The following ATG10 variants were observed in gnomAD, a reference collection of about 807,000 sequenced individuals.
ATG10 encodes the protein autophagy related 10.
In ATG10, 30 loss-of-function variants were observed where a neutral mutation model predicts 32.1. That is an observed-to-expected ratio of 0.94 (90% CI 0.70 to 1.27). The LOEUF is 1.27. ATG10 is among the 50% of genes most tolerant of loss of function. The pLI is 0.00. For missense variants in ATG10, 233 were observed against 262.3 expected (o/e 0.89, Z 0.77); for synonymous variants, 87 against 91.5 (o/e 0.95, Z 0.28).
chr5:82,120,914 C>G (rs934694291), intron 3 of ATG10, among the ~76,000 whole-genome samples: 27 of 152,150 alleles, frequency 1.8e-4, no homozygotes, highest in Admixed American at 1.7e-3. Context: ...ATATTTTTGA[C>G]AGGAAGATAC....
chr5:82,166,878 T>C (rs943804788), intron 4 of ATG10, among the ~76,000 whole-genome samples: 4 of 152,220 alleles, frequency 2.6e-5, no homozygotes, highest in African/African-American at 9.6e-5. Flanking sequence ...TTGACAGATA[T>C]TTATAATTTC....
chr5:82,113,615 G>A (rs1043737395), intron 3 of ATG10, among the ~76,000 whole-genome samples: 1 of 151,914 alleles, frequency 6.6e-6, no homozygotes, highest in Non-Finnish European at 1.5e-5. Context: ...GATGCCAATA[G>A]CCCTACTCCC....
chr5:82,177,858 G>A (rs1038459469), intron 4 of ATG10, among the ~76,000 whole-genome samples: 4 of 151,988 alleles, frequency 2.6e-5, no homozygotes, highest in African/African-American at 9.7e-5. Flanking sequence ...TTCTCCACCT[G>A]CCATAGACAC....
chr5:82,012,177 C>T (rs972531174), intron 2 of ATG10, among the ~76,000 whole-genome samples: 4 of 152,156 alleles, frequency 2.6e-5, no homozygotes, highest in African/African-American at 7.2e-5. Flanking sequence ...GCCACAGACT[C>T]CCACTGTTCT....
chr5:82,091,493 A>G (rs1352073103), intron 3 of ATG10, among the ~76,000 whole-genome samples: 1 of 152,168 alleles, frequency 6.6e-6, no homozygotes, highest in Non-Finnish European at 1.5e-5. Flanking sequence ...ATTTGAGTAT[A>G]TACTTTGCTT....
intron 3 of ATG10, among the ~76,000 whole-genome samples, chr5:82,119,261 G>T (rs994113910): frequency 8.6e-5 from 13 of 151,992 alleles, no homozygotes; most frequent in African/African-American, 3.1e-4. Context: ...AGATTTTTGT[G>T]GTCCATTGCC....
intron 5 of ATG10, among the ~76,000 whole-genome samples, chr5:82,227,368 A>T (rs1248123179): frequency 4.0e-5 from 6 of 151,334 alleles, no homozygotes; most frequent in Non-Finnish European, 7.4e-5. Context: ...TATATATTTT[A>T]AAATTTTATT....
At chr5:82,145,096 A>C (rs964088504) in intron 3 of ATG10, among the ~76,000 whole-genome samples, 2 of 151,540 alleles carry the variant, frequency 1.3e-5, no homozygotes, top group African/African-American at 4.9e-5. Flanking sequence ...TATTATATCT[A>C]CTCCAACATT....
At chr5:82,142,254 A>T (rs1006296181) in intron 3 of ATG10, among the ~76,000 whole-genome samples, 1 of 152,240 alleles carries the variant, frequency 6.6e-6, no homozygotes, top group African/African-American at 2.4e-5. Flanking sequence ...TAATGAAAAT[A>T]CAATAAAATA....
At chr5:82,128,765 A>G (rs1383168513) in intron 3 of ATG10, among the ~76,000 whole-genome samples, 4 of 146,900 alleles carry the variant, frequency 2.7e-5, no homozygotes, top group Non-Finnish European at 4.5e-5. Context: ...GGGTAACCCG[A>G]CCTTTCTCTC....
intron 4 of ATG10, among the ~76,000 whole-genome samples, chr5:82,168,132 AT>A (rs529235385): frequency 6.6e-6 from 1 of 151,494 alleles, no homozygotes; most frequent in Non-Finnish European, 1.5e-5. Context: ...TTTTTGTATC[AT>A]GCCAAAGCCT....
chr5:82,113,248 A>G (rs1157099448), intron 3 of ATG10, among the ~76,000 whole-genome samples: 2 of 151,948 alleles, frequency 1.3e-5, no homozygotes, highest in Non-Finnish European at 2.9e-5. Context: ...GTAGCTTGCC[A>G]AAGAGCATGT....
At chr5:81,974,024 G>A (rs1030960573) in intron 1 of ATG10, among the ~76,000 whole-genome samples, 3 of 152,144 alleles carry the variant, frequency 2.0e-5, no homozygotes, top group African/African-American at 7.2e-5. Flanking sequence ...ACTACATGTC[G>A]ACAGTAGTTC....
chr5:81,972,828 G>A (rs1760763400), intron 1 of ATG10, among the ~76,000 whole-genome samples: 1 of 152,046 alleles, frequency 6.6e-6, no homozygotes, highest in Non-Finnish European at 1.5e-5. Flanking sequence ...AATGATAAAG[G>A]AATAGTTGAC....
intron 2 of ATG10, among the ~76,000 whole-genome samples, chr5:82,015,647 A>G (rs1414548460): frequency 2.0e-5 from 3 of 152,160 alleles, no homozygotes; most frequent in African/African-American, 7.2e-5. Flanking sequence ...CATTCATCAT[A>G]TAGTTCTCAT....
At chr5:82,085,806 T>C (rs1208223732) in intron 3 of ATG10, among the ~76,000 whole-genome samples, 1 of 152,158 alleles carries the variant, frequency 6.6e-6, no homozygotes, top group African/African-American at 2.4e-5. Flanking sequence ...GGTTTTTCTA[T>C]TTTTATTGAA....
intron 6 of ATG10, 141 bp downstream of exon 6, chr5:82,252,800 A>C (rs932456907): frequency 3.3e-6 from 2 of 601,302 alleles, no homozygotes; most frequent in African/African-American, 3.8e-5. Context: ...GATATGCTAG[A>C]TGCTGTTCTA....
At chr5:82,207,182 A>G (rs960892805) in intron 5 of ATG10, among the ~76,000 whole-genome samples, 2 of 152,328 alleles carry the variant, frequency 1.3e-5, no homozygotes, top group Admixed American at 1.3e-4. Context: ...CAAGAATAGA[A>G]TTGCTGGGTC....
chr5:82,150,500 G>A (rs973423437), intron 3 of ATG10, among the ~76,000 whole-genome samples: 1 of 152,188 alleles, frequency 6.6e-6, no homozygotes, highest in Non-Finnish European at 1.5e-5. Context: ...AACTTCTGTT[G>A]AATGTTGATT....
Sources: allele counts gnomAD v4.1 joint callset (sites outside exome capture counted in the v4.1 genomes callset), GRCh38; gene constraint gnomAD v4.1.1; transcripts MANE v1.5; gene names NCBI Gene and HGNC (gene_info 2026-07-23, HGNC 2026-07-21).